Variants in TTC28 observed in about 807,000 individuals in gnomAD.
TTC28 encodes tetratricopeptide repeat domain 28, also known as tetratricopeptide repeat protein 28.
TTC28 carries 61 observed loss-of-function variants against 198.0 expected under a neutral mutation model. That is an observed-to-expected ratio of 0.31 (90% confidence interval 0.25 to 0.38). TTC28 has a LOEUF of 0.38. Among genes scored for constraint, TTC28 ranks in the 10% least tolerant of loss-of-function variants. The pLI, the probability that TTC28 is intolerant of heterozygous loss-of-function variation, is 1.00. For missense variants in TTC28, 2,678 were observed against 3,164.0 expected (o/e 0.85, Z 3.69); for synonymous variants, 1,171 against 1,297.8 (o/e 0.90, Z 2.10).
chr22:28,094,526 G>A (rs193195735), intron 11 of TTC28, among the ~76,000 whole-genome samples: 5 of 152,280 alleles, frequency 3.3e-5, no homozygotes, highest in Admixed American at 6.5e-5. Context: ...CTTCATATGT[G>A]TTTCAAAACA....
At chr22:28,585,851 T>C (rs116594647) in intron 2 of TTC28, among the ~76,000 whole-genome samples, 1 of 151,984 alleles carries the variant, frequency 6.6e-6, no homozygotes, top group African/African-American at 2.4e-5. Context: ...AGGGGAAGGA[T>C]AGCATTAGGA....
At chr22:28,580,212 C>T (rs902376531) in intron 2 of TTC28, among the ~76,000 whole-genome samples, 2 of 152,040 alleles carry the variant, frequency 1.3e-5, no homozygotes, top group Admixed American at 1.3e-4. Context: ...ATAACTGCAC[C>T]TTCCTAATTT....
intron 2 of TTC28, among the ~76,000 whole-genome samples, chr22:28,390,283 C>T (rs134535): frequency 0.98 from 149,396 of 152,156 alleles, 73,348 homozygotes; most frequent in African/African-American, 0.99. Flanking sequence ...AATTTTGGAA[C>T]AGGTGGGGTG....
intron 6 of TTC28, among the ~76,000 whole-genome samples, chr22:28,115,133 A>T (rs1435739830): frequency 6.6e-6 from 1 of 152,032 alleles, no homozygotes; most frequent in Non-Finnish European, 1.5e-5. Flanking sequence ...GATTTTTCTG[A>T]CTCAGAAGTC....
Position 28,386,014 on chromosome 22 carries a change from C to T in TTC28, c.382-79371G>A, listed in dbSNP as rs1242894671. Among the ~76,000 whole-genome samples, 4 of 151,946 alleles carry T rather than the reference C, an allele frequency of 2.6e-5. No homozygotes were observed. The East Asian group carries it at 7.7e-4, about 29-fold the overall frequency. On this transcript the variant is annotated intron_variant, in intron 2 of 22. Coordinates refer to ENST00000397906, the MANE Select transcript of TTC28 (RefSeq NM_001145418.2). ...TCACCAGGCCGGGCGCGGTGGCTCA[C>T]GCCTGTAATCCCAGCACTTTGGGAG...
chr22:28,370,647 G>A (rs1421082236), intron 2 of TTC28, among the ~76,000 whole-genome samples: 1 of 151,980 alleles, frequency 6.6e-6, no homozygotes, highest in Non-Finnish European at 1.5e-5. Context: ...AAAAAATTAA[G>A]ACTTATCTCA....
rs151246103 is a variant in TTC28, at chr22:28,310,492, G to T, written c.382-3849C>A. Among the ~76,000 whole-genome samples, 15 of 152,238 alleles carry T rather than the reference G, an allele frequency of 9.9e-5. No homozygotes were observed. In the East Asian group the frequency reaches 1.5e-3, roughly 16 times the overall value. ...GCAAGTACCTCTGGAAGCAAGGAAA[G>T]ACCTTTAGTCTTTACTTTCAACACA... On this transcript the variant is annotated intron_variant, in intron 2 of 22. Transcript: ENST00000397906.
intron 2 of TTC28, among the ~76,000 whole-genome samples, chr22:28,392,501 G>A (rs1356502267): frequency 6.6e-6 from 1 of 152,218 alleles, no homozygotes. Context: ...GAGACTCCGT[G>A]GGCGTAGGAC....
intron 2 of TTC28, among the ~76,000 whole-genome samples, chr22:28,337,600 T>C (rs2045751256): frequency 6.6e-6 from 1 of 152,214 alleles, no homozygotes; most frequent in Non-Finnish European, 1.5e-5. Flanking sequence ...TGTAATGGCG[T>C]TCTTTGTCTC....
At chr22:28,642,727 G>C (rs1207157940) in intron 1 of TTC28, among the ~76,000 whole-genome samples, 1 of 152,184 alleles carries the variant, frequency 6.6e-6, no homozygotes, top group Non-Finnish European at 1.5e-5. Flanking sequence ...GTGTGAAAGA[G>C]GTGAGGGTAC....
chr22:28,465,281 C>G (rs1305286522), intron 2 of TTC28, among the ~76,000 whole-genome samples: 1 of 152,214 alleles, frequency 6.6e-6, no homozygotes, highest in Middle Eastern at 3.4e-3. Context: ...TTTAAAAAAT[C>G]TGAATTCCAG....
intron 5 of TTC28, among the ~76,000 whole-genome samples, chr22:28,193,321 A>G (rs930691119): frequency 2.6e-5 from 4 of 152,250 alleles, no homozygotes; most frequent in Non-Finnish European, 5.9e-5. Context: ...GGTACCAACC[A>G]CTGCAAAAAT....
chr22:28,280,566 G>A (rs1193312168), intron 5 of TTC28, among the ~76,000 whole-genome samples: 1 of 152,136 alleles, frequency 6.6e-6, no homozygotes, highest in Non-Finnish European at 1.5e-5. Context: ...TTGAACTCCT[G>A]ACCTCATGTG....
At chr22:28,611,874 C>T (rs1376856282) in intron 2 of TTC28, among the ~76,000 whole-genome samples, 1 of 152,032 alleles carries the variant, frequency 6.6e-6, no homozygotes, top group Non-Finnish European at 1.5e-5. Flanking sequence ...GAGATTTTGT[C>T]ACCAGCAGGC....
At chr22:28,041,696 C>T (rs1037452247) in intron 12 of TTC28, among the ~76,000 whole-genome samples, 5 of 152,146 alleles carry the variant, frequency 3.3e-5, no homozygotes, top group Admixed American at 2.0e-4. Flanking sequence ...GCCTAAAACA[C>T]CAAAAGCAAT....
intron 2 of TTC28, among the ~76,000 whole-genome samples, chr22:28,443,362 C>T (rs1267048421): frequency 6.6e-6 from 1 of 152,220 alleles, no homozygotes; most frequent in East Asian, 1.9e-4. Context: ...CAAACCCTCA[C>T]GCGCAGCCTG....
intron 5 of TTC28, among the ~76,000 whole-genome samples, chr22:28,288,608 C>T (rs1423260440): frequency 6.6e-6 from 1 of 151,884 alleles, no homozygotes; most frequent in East Asian, 1.9e-4. Context: ...GATATCAAGA[C>T]CATCCTGGCT....
At chr22:28,575,977 T>C (rs911385030) in intron 2 of TTC28, among the ~76,000 whole-genome samples, 2 of 152,158 alleles carry the variant, frequency 1.3e-5, no homozygotes, top group African/African-American at 2.4e-5. Flanking sequence ...CTTTCCAATT[T>C]GGATGCTTTT....
chr22:28,170,647 A>G lies in TTC28; in HGVS notation c.934-7048T>C, dbSNP rs534197978. The stretch of plus-strand genomic sequence containing the variant: ...GGTAAATGGATATCTTAATGGTAAG[A>G]GAGATGTTTACCATGATGACTGATG... On this transcript the variant is annotated intron_variant, in intron 5 of 22. Coordinates refer to ENST00000397906, the MANE Select transcript of TTC28 (RefSeq NM_001145418.2). Among the ~76,000 whole-genome samples the G allele has an allele frequency of 3.3e-5, 5 of 152,324 alleles. No homozygotes were observed. In the East Asian group the frequency reaches 9.6e-4, roughly 29 times the overall value.
Sources: gnomAD v4.1 joint callset for allele counts (sites outside exome capture counted in the v4.1 genomes callset) on GRCh38, gnomAD v4.1.1 for gene constraint, MANE v1.5 for transcripts, NCBI Gene and HGNC (gene_info 2026-07-23, HGNC 2026-07-21) for gene names.